The following NMNAT3 variants were observed in gnomAD, a reference collection of about 807,000 sequenced individuals.
The protein encoded by NMNAT3 is nicotinamide/nicotinic acid mononucleotide adenylyltransferase 3.
In NMNAT3, 21 loss-of-function variants were observed where a neutral mutation model predicts 24.8. The ratio of observed to expected loss-of-function variants is 0.85; its 90% CI spans 0.60 to 1.22. The LOEUF is 1.22. NMNAT3 is among the 50% of genes most tolerant of loss of function. NMNAT3 has a pLI of 0.00. For missense variants in NMNAT3, 387 were observed against 436.6 expected (o/e 0.89, Z 1.01); for synonymous variants, 136 against 155.2 (o/e 0.88, Z 0.92).
chr3:139,568,083 T>C (rs993591940), intron 6 of NMNAT3: 2 of 152,240 alleles, frequency 1.3e-5, no homozygotes, highest in African/African-American at 4.8e-5. Context: ...GGTGTATGTG[T>C]CCAGGAATTT....
chr3:139,589,548 G>A (rs1470084553), intron 3 of NMNAT3, among the ~76,000 whole-genome samples: 1 of 152,162 alleles, frequency 6.6e-6, no homozygotes, highest in African/African-American at 2.4e-5. Flanking sequence ...AATGTTAAAG[G>A]AAAATCATTT....
chr3:139,677,043 C>T (rs1438125383), intron 1 of NMNAT3, among the ~76,000 whole-genome samples: 2 of 152,188 alleles, frequency 1.3e-5, no homozygotes, highest in Non-Finnish European at 2.9e-5. Context: ...TGCAGGCCAG[C>T]CCCACCAACC....
intron 5 of NMNAT3, chr3:139,575,777 C>CATTAAAAAA: frequency 8.7e-7 from 1 of 1,155,606 alleles, no homozygotes; most frequent in Admixed American, 4.0e-5. Context: ...ACCCTGGGGG[C>CATTAAAAAA]ATGTTCTTGG....
intron 1 of NMNAT3, among the ~76,000 whole-genome samples, chr3:139,645,191 G>C (rs1367136556): frequency 6.6e-6 from 1 of 152,026 alleles, no homozygotes; most frequent in African/African-American, 2.4e-5. Flanking sequence ...GACAGAGTGA[G>C]ACTCCATCTC....
intron 3 of NMNAT3, among the ~76,000 whole-genome samples, chr3:139,622,847 A>T (rs1332136634): frequency 9.1e-6 from 1 of 110,218 alleles, no homozygotes; most frequent in Non-Finnish European, 1.9e-5. Flanking sequence ...TATTATATAT[A>T]TTATATATAT....
At chr3:139,632,731 C>T (rs2056348319) in intron 2 of NMNAT3, among the ~76,000 whole-genome samples, 2 of 152,206 alleles carry the variant, frequency 1.3e-5, no homozygotes, top group African/African-American at 4.8e-5. Context: ...ATTCAATAGG[C>T]AATAACCCCC....
intron 3 of NMNAT3, among the ~76,000 whole-genome samples, chr3:139,606,941 T>C (rs2054973631): frequency 6.6e-6 from 1 of 152,112 alleles, no homozygotes; most frequent in Middle Eastern, 3.2e-3. Flanking sequence ...AAGCATTTCC[T>C]TGCTTTCAGA....
At chr3:139,616,720 A>G (rs2055520340) in intron 3 of NMNAT3, among the ~76,000 whole-genome samples, 1 of 152,106 alleles carries the variant, frequency 6.6e-6, no homozygotes. Context: ...CTCATCAAAA[A>G]TATTGCTTCA....
intron 1 of NMNAT3, among the ~76,000 whole-genome samples, chr3:139,639,737 C>T (rs2056634843): frequency 1.3e-5 from 2 of 152,324 alleles, no homozygotes; most frequent in South Asian, 4.1e-4. Flanking sequence ...CTCATGTCTT[C>T]TGCCAGCATC....
intron 3 of NMNAT3, among the ~76,000 whole-genome samples, chr3:139,587,146 T>C (rs142611345): frequency 6.6e-6 from 1 of 152,196 alleles, no homozygotes; most frequent in Non-Finnish European, 1.5e-5. Flanking sequence ...GTGGCGTGTA[T>C]AGCAGAGAGA....
At chr3:139,661,579 A>T (rs2057418459) in intron 1 of NMNAT3, among the ~76,000 whole-genome samples, 2 of 152,170 alleles carry the variant, frequency 1.3e-5, no homozygotes, top group African/African-American at 4.8e-5. Context: ...TCCAGGTGGG[A>T]GGATTGGTTG....
intron 3 of NMNAT3, among the ~76,000 whole-genome samples, chr3:139,588,256 T>A (rs1352393083): frequency 2.0e-5 from 3 of 152,136 alleles, no homozygotes; most frequent in African/African-American, 7.2e-5. Context: ...CCTGTGCCTT[T>A]CCCATGACAC....
rs143757023 is a variant in NMNAT3, at chr3:139,564,915, CAAT to C, written c.659-3526_659-3524del. Among the ~76,000 whole-genome samples the C allele has an allele frequency of 5.5e-4, 83 of 152,248 alleles. 3 individuals carry two copies. The East Asian group carries it at 0.016, about 29-fold the overall frequency. ...GTATTTAAAGCAGAAATAACAACAACAATATTAATTCTGCTTTCTACAAAACAC... is the reference window on the plus strand; with the variant it reads ...GTATTTAAAGCAGAAATAACAACAACATTAATTCTGCTTTCTACAAAACAC... On this transcript the variant is annotated intron_variant, in intron 6 of 6. Transcript: ENST00000643695.
intron 1 of NMNAT3, among the ~76,000 whole-genome samples, chr3:139,661,894 C>T (rs1360678027): frequency 6.6e-6 from 1 of 152,126 alleles, no homozygotes; most frequent in Admixed American, 6.5e-5. Flanking sequence ...TATGATCACA[C>T]CTGAAATTAA....
chr3:139,580,615 G>T (rs988157444), intron 4 of NMNAT3, among the ~76,000 whole-genome samples: 2 of 152,138 alleles, frequency 1.3e-5, no homozygotes, highest in Non-Finnish European at 2.9e-5. Flanking sequence ...ATTCAGGCAG[G>T]TGCTAAATAT....
At chr3:139,659,694 C>T (rs893381366) in intron 1 of NMNAT3, among the ~76,000 whole-genome samples, 5 of 152,220 alleles carry the variant, frequency 3.3e-5, no homozygotes, top group African/African-American at 1.2e-4. Flanking sequence ...ATCCTGGATG[C>T]ACATTAGAAC....
chr3:139,616,964 C>T (rs191348730), intron 3 of NMNAT3, among the ~76,000 whole-genome samples: 17 of 152,312 alleles, frequency 1.1e-4, no homozygotes, highest in Non-Finnish European at 2.2e-4. Flanking sequence ...TCAGTGGCCA[C>T]GTTCTCTTCC....
chr3:139,601,744 G>T (rs978316984), intron 3 of NMNAT3, among the ~76,000 whole-genome samples: 1 of 152,194 alleles, frequency 6.6e-6, no homozygotes, highest in African/African-American at 2.4e-5. Flanking sequence ...ACAGTCTCCA[G>T]ATGGGTAGTC....
chr3:139,620,838 T>G (rs1173816234), intron 3 of NMNAT3, among the ~76,000 whole-genome samples: 3 of 152,234 alleles, frequency 2.0e-5, no homozygotes, highest in South Asian at 2.1e-4. Context: ...CTGTCATCTA[T>G]GACATTGTGC....
Sources: allele counts gnomAD v4.1 joint callset (sites outside exome capture counted in the v4.1 genomes callset), GRCh38; gene constraint gnomAD v4.1.1; transcripts MANE v1.5; gene names NCBI Gene and HGNC (gene_info 2026-07-23, HGNC 2026-07-21).